SLC11A2: variants seen among roughly 807,000 people sequenced by gnomAD.
The protein encoded by SLC11A2 is natural resistance-associated macrophage protein 2.
In SLC11A2, 38 loss-of-function variants were observed where a neutral mutation model predicts 68.0. The ratio of observed to expected loss-of-function variants is 0.56; its 90% CI spans 0.43 to 0.73. The LOEUF (loss-of-function observed/expected upper bound fraction) is 0.73, where lower values mean the gene tolerates loss of function less well. Among genes scored for constraint, SLC11A2 ranks in the 30% least tolerant of loss-of-function variants. The pLI is 0.00. For synonymous variants in SLC11A2, 242 were observed against 250.6 expected (o/e 0.97, Z 0.32); for missense variants, 517 against 690.5 (o/e 0.75, Z 2.82).
chr12:51,017,562 T>C (rs1943747565), intron 1 of SLC11A2, among the ~76,000 whole-genome samples: 1 of 152,194 alleles, frequency 6.6e-6, no homozygotes, highest in African/African-American at 2.4e-5. Context: ...ATACACTGTA[T>C]ACCTTTTGCA....
chr12:50,994,019 C>CAAAAAAAAAAAAA (rs1198919334), intron 11 of SLC11A2, among the ~76,000 whole-genome samples: 2 of 81,622 alleles, frequency 2.5e-5, no homozygotes, highest in Non-Finnish European at 5.1e-5. Flanking sequence ...AAAAAAAAAG[C>CAAAAAAAAAAAAA]TGGGGTGTAT....
At chr12:50,966,755 T>C in the SLC11A2 span, among the ~76,000 whole-genome samples, 1 of 152,214 alleles carries the variant, frequency 6.6e-6, no homozygotes, top group Non-Finnish European at 1.5e-5. Context: ...ATTTCATTTA[T>C]GTCTGCCACA....
At chr12:51,023,051 G>A (rs1281128867) in intron 1 of SLC11A2, among the ~76,000 whole-genome samples, 1 of 152,110 alleles carries the variant, frequency 6.6e-6, no homozygotes, top group African/African-American at 2.4e-5. Flanking sequence ...TCATTTTATT[G>A]TATCTAGAAT....
the SLC11A2 span, among the ~76,000 whole-genome samples, chr12:50,965,663 A>G: frequency 6.6e-6 from 1 of 152,184 alleles, no homozygotes; most frequent in East Asian, 1.9e-4. Flanking sequence ...TTTGACTGGT[A>G]GGCCACACTC....
In SLC11A2 at chr12:50,986,545, C is replaced by T. The variant is rs796672052; in HGVS notation, c.*1780G>A. ...CCCACCCAGACCCAGGGCAAAGATA[C>T]ATGTTACCATATCATCTTTATAAAG... On this transcript the variant is annotated 3_prime_UTR_variant, in exon 16 of 16. Coordinates refer to ENST00000262052, the MANE Select transcript of SLC11A2 (RefSeq NM_000617.3). 1 of 1,281,770 alleles carries T rather than the reference C, an allele frequency of 7.8e-7. No individual in the cohort carries two copies. Among genetic ancestry groups the T allele is most frequent in the Non-Finnish European group, 1.0e-6 (1 of 983,670 alleles). 79.4% of individuals were successfully genotyped at this position (1,281,770 alleles called of 1,614,324 possible).
At chr12:51,001,035 C>G (rs971039723) in intron 5 of SLC11A2, among the ~76,000 whole-genome samples, 1 of 151,930 alleles carries the variant, frequency 6.6e-6, no homozygotes, top group South Asian at 2.1e-4. Context: ...CATGGTGGCA[C>G]ATGCCTGTAA....
At chr12:51,002,992 C>G (rs1942401612) in intron 5 of SLC11A2, among the ~76,000 whole-genome samples, 1 of 151,750 alleles carries the variant, frequency 6.6e-6, no homozygotes, top group African/African-American at 2.4e-5. Flanking sequence ...AATCCCAGCA[C>G]TTTGGAAGGC....
the SLC11A2 span, among the ~76,000 whole-genome samples, chr12:50,963,334 C>T: frequency 2.2e-5 from 3 of 133,776 alleles, no homozygotes; most frequent in Non-Finnish European, 3.1e-5. Flanking sequence ...CACGCCACTG[C>T]ACTCCAGCCT....
downstream of SLC11A2, chr12:50,981,483 G>T (rs901407287): frequency 2.4e-6 from 1 of 422,392 alleles, no homozygotes; most frequent in Non-Finnish European, 4.4e-6. Context: ...GCCCATAGGG[G>T]TGTGTGGCCA....
chr12:51,006,496 G>A (rs928839495), intron 3 of SLC11A2, among the ~76,000 whole-genome samples: 1 of 152,190 alleles, frequency 6.6e-6, no homozygotes, highest in African/African-American at 2.4e-5. Flanking sequence ...ACCCTGCAAA[G>A]CTGTCTCTTA....
At chr12:51,014,182 G>A (rs1258712881) in intron 1 of SLC11A2, 1 of 152,344 alleles carries the variant, frequency 6.6e-6, no homozygotes, top group Non-Finnish European at 1.5e-5. Context: ...TGTGCAGAGA[G>A]GCCATGCTAA....
chr12:50,991,339 T>C (rs1321204724), intron 14 of SLC11A2: 1 of 557,954 alleles, frequency 1.8e-6, no homozygotes, highest in East Asian at 3.1e-5. Flanking sequence ...AGAATTAAGG[T>C]GCCTCAAACT....
chr12:50,979,527 A>C (rs543924728), downstream of SLC11A2: 2 of 186,222 alleles, frequency 1.1e-5, no homozygotes, highest in Admixed American at 5.6e-5. Flanking sequence ...CACTGGTTTC[A>C]TCTAGAGTTG....
At chr12:50,956,421 A>T in the SLC11A2 span, among the ~76,000 whole-genome samples, 1 of 152,198 alleles carries the variant, frequency 6.6e-6, no homozygotes, top group Non-Finnish European at 1.5e-5. Flanking sequence ...ATATCATTGA[A>T]TAATTTGTTT....
the SLC11A2 span, among the ~76,000 whole-genome samples, chr12:50,971,033 C>T: frequency 6.6e-6 from 1 of 152,078 alleles, no homozygotes; most frequent in African/African-American, 2.4e-5. Flanking sequence ...CACCCACCAC[C>T]ACCCCTGGCT....
chr12:51,019,270 A>C (rs1943877424), intron 1 of SLC11A2, among the ~76,000 whole-genome samples: 1 of 152,238 alleles, frequency 6.6e-6, no homozygotes, highest in African/African-American at 2.4e-5. Flanking sequence ...TAAAAAAATT[A>C]TATTTGTCCT....
chr12:50,990,775 C>A lies in SLC11A2; in HGVS notation c.1575+20G>T. 6.2e-7 allele frequency: 1 copy of A among 1,613,610 alleles called. No individual in the cohort carries two copies. The highest frequency in any genetic ancestry group is 8.5e-7 in the Non-Finnish European group (1 of 1,179,752). ...ACCATCCCTGATACCTATGCCCCTG[C>A]TCTTCCAGGCTAGACTTACCAAGTA... On this transcript the variant is annotated intron_variant, in intron 15 of 15. Coordinates refer to ENST00000262052, the MANE Select transcript of SLC11A2 (RefSeq NM_000617.3).
chr12:51,010,166 C>T (rs1158999787), intron 2 of SLC11A2, among the ~76,000 whole-genome samples: 3 of 148,638 alleles, frequency 2.0e-5, no homozygotes, highest in African/African-American at 7.5e-5. Context: ...CTAGCCTGGG[C>T]AACTAGAGCA....
chr12:51,017,004 C>A (rs760725074), intron 1 of SLC11A2, among the ~76,000 whole-genome samples: 1 of 151,670 alleles, frequency 6.6e-6, no homozygotes. Context: ...CAAAGCAAGA[C>A]CCTGTCTCAA....
Sources: allele counts gnomAD v4.1 joint callset (sites outside exome capture counted in the v4.1 genomes callset), GRCh38; gene constraint gnomAD v4.1.1; transcripts MANE v1.5; gene names NCBI Gene and HGNC (gene_info 2026-07-23, HGNC 2026-07-21).